The following DPP10 variants were observed in gnomAD, a reference collection of about 807,000 sequenced individuals.
The protein encoded by DPP10 is dipeptidyl peptidase like 10, also known as inactive dipeptidyl peptidase 10.
DPP10 carries 33 observed loss-of-function variants against 120.9 expected under a neutral mutation model. The ratio of observed to expected loss-of-function variants is 0.27; its 90% CI spans 0.21 to 0.37. The LOEUF is 0.37. Among genes scored for constraint, DPP10 ranks in the 10% least tolerant of loss-of-function variants. DPP10 has a pLI of 1.00. For synonymous variants in DPP10, 337 were observed against 326.1 expected (o/e 1.03, Z -0.36); for missense variants, 816 against 942.8 (o/e 0.87, Z 1.76).
intron 1 of DPP10, among the ~76,000 whole-genome samples, chr2:114,987,448 C>G (rs1700473719): frequency 6.6e-6 from 1 of 151,974 alleles, no homozygotes; most frequent in African/African-American, 2.4e-5. Flanking sequence ...ATAATTTCAC[C>G]CCTTGATTTT....
chr2:115,620,328 TC>T (rs1397375195), intron 5 of DPP10, among the ~76,000 whole-genome samples: 1 of 152,214 alleles, frequency 6.6e-6, no homozygotes, highest in Admixed American at 6.5e-5. Context: ...GATAAGATTG[TC>T]CAGATTCAGA....
intron 1 of DPP10, among the ~76,000 whole-genome samples, chr2:114,512,689 C>T (rs1015839594): frequency 2.6e-5 from 4 of 152,176 alleles, no homozygotes; most frequent in Admixed American, 6.5e-5. Flanking sequence ...AGAGTTTTCT[C>T]GTTCATGTAT....
chr2:114,660,916 G>T (rs1460510312), intron 1 of DPP10, among the ~76,000 whole-genome samples: 1 of 152,104 alleles, frequency 6.6e-6, no homozygotes, highest in Admixed American at 6.5e-5. Flanking sequence ...GAAGTAATTT[G>T]AATTTCAAAT....
chr2:115,335,564 A>G (rs939973527), intron 2 of DPP10, among the ~76,000 whole-genome samples: 2 of 152,068 alleles, frequency 1.3e-5, no homozygotes, highest in African/African-American at 2.4e-5. Flanking sequence ...AATAGAATTT[A>G]TATTTCATAT....
chr2:114,963,520 T>C (rs1030072808), intron 1 of DPP10, among the ~76,000 whole-genome samples: 4 of 152,186 alleles, frequency 2.6e-5, no homozygotes, highest in African/African-American at 9.7e-5. Flanking sequence ...ATGTAAAATT[T>C]ATATGAGGTA....
chr2:115,444,260 A>G (rs1222665735), intron 3 of DPP10, among the ~76,000 whole-genome samples: 1 of 152,140 alleles, frequency 6.6e-6, no homozygotes, highest in Non-Finnish European at 1.5e-5. Flanking sequence ...AAATACTCTT[A>G]TATATTAATC....
At chr2:114,805,255 G>A (rs551745430) in intron 1 of DPP10, among the ~76,000 whole-genome samples, 301 of 152,260 alleles carry the variant, frequency 2.0e-3, no homozygotes, top group African/African-American at 7.0e-3. Context: ...CATTAAAACA[G>A]ACTGATACAC....
At chr2:115,797,103 C>A (rs1045777271) in intron 19 of DPP10, among the ~76,000 whole-genome samples, 1 of 152,114 alleles carries the variant, frequency 6.6e-6, no homozygotes, top group South Asian at 2.1e-4. Flanking sequence ...ATAATAGTTT[C>A]TGGAATATAA....
chr2:114,995,781 G>A (rs906443467), intron 1 of DPP10, among the ~76,000 whole-genome samples: 1 of 152,158 alleles, frequency 6.6e-6, no homozygotes, highest in East Asian at 1.9e-4. Flanking sequence ...AAAGTCTAAT[G>A]TATGTGCAAG....
intron 2 of DPP10, among the ~76,000 whole-genome samples, chr2:115,327,976 C>G (rs1187772707): frequency 6.6e-6 from 1 of 151,968 alleles, no homozygotes; most frequent in Admixed American, 6.6e-5. Context: ...TTGACAAGGA[C>G]AATAATGTCT....
intron 1 of DPP10, among the ~76,000 whole-genome samples, chr2:115,286,526 A>ATATATATATTATATATAT (rs10675008): frequency 4.9e-5 from 3 of 60,946 alleles, no homozygotes; most frequent in Admixed American, 2.2e-4. Flanking sequence ...ATATATATAT[A>ATATATATATTATATATAT]ATATATATAT....
chr2:115,391,394 T>G (rs1034276570), intron 3 of DPP10, among the ~76,000 whole-genome samples: 4 of 152,098 alleles, frequency 2.6e-5, no homozygotes, highest in Non-Finnish European at 5.9e-5. Context: ...GCTAAAACAG[T>G]GCACATTCAA....
chr2:115,493,079 A>G (rs533236194), intron 3 of DPP10, among the ~76,000 whole-genome samples: 1 of 152,114 alleles, frequency 6.6e-6, no homozygotes, highest in African/African-American at 2.4e-5. Context: ...TAATAAATAT[A>G]TAAATATATG....
intron 1 of DPP10, chr2:114,828,939 G>T (rs983834254): frequency 3.9e-5 from 6 of 152,084 alleles, no homozygotes; most frequent in Admixed American, 2.6e-4. Flanking sequence ...TGTGCAATAG[G>T]GGAAAATAAA....
At chr2:115,366,258 T>C (rs1227994904) in intron 3 of DPP10, among the ~76,000 whole-genome samples, 2 of 152,064 alleles carry the variant, frequency 1.3e-5, no homozygotes. Flanking sequence ...TTTTCACTAT[T>C]CCATGTATTC....
intron 1 of DPP10, among the ~76,000 whole-genome samples, chr2:114,916,812 A>C (rs1464612750): frequency 2.0e-5 from 3 of 152,202 alleles, no homozygotes; most frequent in Non-Finnish European, 4.4e-5. Flanking sequence ...GCCTTGAAGG[A>C]ATACACCTCA....
At chr2:115,363,335 A>G (rs1311005684) in intron 3 of DPP10, among the ~76,000 whole-genome samples, 1 of 152,194 alleles carries the variant, frequency 6.6e-6, no homozygotes. Context: ...TAAAAGATTT[A>G]AAAATGTGAA....
At chr2:114,558,592 A>C (rs1047717426) in intron 1 of DPP10, among the ~76,000 whole-genome samples, 1 of 152,220 alleles carries the variant, frequency 6.6e-6, no homozygotes, top group African/African-American at 2.4e-5. Flanking sequence ...CCATCAAACA[A>C]AAAGCTCCTC....
chr2:115,612,673 C>G (rs761387667), intron 5 of DPP10, among the ~76,000 whole-genome samples: 24 of 152,056 alleles, frequency 1.6e-4, no homozygotes, highest in Non-Finnish European at 3.2e-4. Context: ...CTATTATGTT[C>G]CTGGGCAAGA....
Sources: allele counts gnomAD v4.1 joint callset (sites outside exome capture counted in the v4.1 genomes callset), GRCh38; gene constraint gnomAD v4.1.1; transcripts MANE v1.5; gene names NCBI Gene and HGNC (gene_info 2026-07-23, HGNC 2026-07-21).